Variants in RALGPS2 observed in about 807,000 individuals in gnomAD.
RALGPS2 encodes Ral GEF with PH domain and SH3 binding motif 2.
RALGPS2 carries 43 observed loss-of-function variants against 86.8 expected under a neutral mutation model. That is an observed-to-expected ratio of 0.50 (90% CI 0.39 to 0.64). The LOEUF is 0.64. Among genes scored for constraint, RALGPS2 ranks in the 30% least tolerant of loss-of-function variants. The probability of loss-of-function intolerance (pLI) is 0.00; values close to 1 mark genes in which losing one functional copy is unlikely to be tolerated. For missense variants in RALGPS2, 536 were observed against 694.6 expected (o/e 0.77, Z 2.57); for synonymous variants, 243 against 231.3 (o/e 1.05, Z -0.46).
At chr1:178,914,833 G>T (rs1009135770) in intron 19 of RALGPS2, among the ~76,000 whole-genome samples, 1 of 152,124 alleles carries the variant, frequency 6.6e-6, no homozygotes. Context: ...GCCTTGTCAG[G>T]TTAGTGTCTG....
intron 7 of RALGPS2, among the ~76,000 whole-genome samples, chr1:178,823,985 T>C (rs781269461): frequency 1.3e-5 from 2 of 152,042 alleles, no homozygotes; most frequent in Non-Finnish European, 2.9e-5. Flanking sequence ...GATTCCCAAG[T>C]AGAGATTGGA....
intron 1 of RALGPS2, among the ~76,000 whole-genome samples, chr1:178,732,333 C>G (rs1466655644): frequency 6.9e-6 from 1 of 144,630 alleles, no homozygotes; most frequent in Admixed American, 6.9e-5. Context: ...GAGTCTCACT[C>G]TGTCGCCTAG....
At chr1:178,850,508 T>C (rs1657103411) in intron 8 of RALGPS2, 1 of 152,068 alleles carries the variant, frequency 6.6e-6, no homozygotes, top group Admixed American at 6.6e-5. Flanking sequence ...TTTTTGGGTT[T>C]TTTTTTATTT....
At chr1:178,830,956 A>G (rs1297340629) in intron 7 of RALGPS2, among the ~76,000 whole-genome samples, 1 of 152,236 alleles carries the variant, frequency 6.6e-6, no homozygotes, top group Non-Finnish European at 1.5e-5. Flanking sequence ...AGGAGAGGAT[A>G]CACATAGAAG....
chr1:178,797,121 T>A (rs1054780776), intron 4 of RALGPS2, among the ~76,000 whole-genome samples: 4 of 152,196 alleles, frequency 2.6e-5, no homozygotes, highest in Non-Finnish European at 5.9e-5. Flanking sequence ...TTTGAGTTGT[T>A]GAGTTTACTT....
chr1:178,754,831 A>T (rs779329259), intron 1 of RALGPS2, among the ~76,000 whole-genome samples: 57 of 152,308 alleles, frequency 3.7e-4, no homozygotes, highest in Non-Finnish European at 7.1e-4. Context: ...ACGAAGTCTC[A>T]CTCTGTTGCC....
chr1:178,743,825 A>G (rs1409405533), intron 1 of RALGPS2, among the ~76,000 whole-genome samples: 4 of 152,218 alleles, frequency 2.6e-5, no homozygotes, highest in African/African-American at 9.6e-5. Context: ...ATAACCCTGT[A>G]TCTGTTAAAG....
chr1:178,880,894 G>T (rs1178046386), intron 10 of RALGPS2, among the ~76,000 whole-genome samples: 1 of 152,154 alleles, frequency 6.6e-6, no homozygotes, highest in East Asian at 1.9e-4. Context: ...CCATGAGGTA[G>T]TTCTGACATT....
intron 4 of RALGPS2, among the ~76,000 whole-genome samples, chr1:178,791,374 C>T (rs1262177893): frequency 6.6e-6 from 1 of 151,806 alleles, no homozygotes; most frequent in Non-Finnish European, 1.5e-5. Flanking sequence ...AGCGATCCCC[C>T]GGCCTCGGCT....
chr1:178,885,783 AATTATATAG>A (rs1346269759), intron 12 of RALGPS2, among the ~76,000 whole-genome samples, 177 bp from the exon 13 acceptor site: 1 of 152,192 alleles, frequency 6.6e-6, no homozygotes, highest in Non-Finnish European at 1.5e-5. Context: ...AGTATGCTCT[AATTATATAG>A]ATAGATAGGG....
chr1:178,809,912 T>G (rs1654895818), intron 5 of RALGPS2, among the ~76,000 whole-genome samples: 1 of 152,010 alleles, frequency 6.6e-6, no homozygotes, highest in African/African-American at 2.4e-5. Flanking sequence ...CGTCCTAACT[T>G]TTGATAGAGA....
chr1:178,823,287 G>C (rs933526256), intron 7 of RALGPS2, among the ~76,000 whole-genome samples: 2 of 152,050 alleles, frequency 1.3e-5, no homozygotes, highest in East Asian at 1.9e-4. Flanking sequence ...AACTTTTGAT[G>C]GTTTGTATTT....
chr1:178,885,858 A>T (rs896846128), intron 12 of RALGPS2, 111 bp from the exon 13 acceptor site: 7 of 953,328 alleles, frequency 7.3e-6, no homozygotes, highest in Non-Finnish European at 1.1e-5. Context: ...TTATGGTAAG[A>T]TCTGAGTATG....
intron 4 of RALGPS2, among the ~76,000 whole-genome samples, chr1:178,805,023 G>A (rs1228810665): frequency 1.4e-4 from 21 of 150,664 alleles, no homozygotes; most frequent in Non-Finnish European, 2.7e-4. Flanking sequence ...TTTCTCTGAT[G>A]GCCAGTGGTG....
intron 6 of RALGPS2, among the ~76,000 whole-genome samples, chr1:178,817,345 TAAAAAAAA>T (rs142692953): frequency 1.0e-5 from 1 of 98,054 alleles, no homozygotes; most frequent in Middle Eastern, 5.1e-3. Context: ...TGTCTCAATT[TAAAAAAAA>T]AAAAAAAAAA....
intron 6 of RALGPS2, among the ~76,000 whole-genome samples, chr1:178,812,412 G>A (rs777007964): frequency 1.3e-5 from 2 of 152,074 alleles, no homozygotes; most frequent in East Asian, 1.9e-4. Context: ...AGTTGGGGTC[G>A]CCTATGGTTG....
At chr1:178,874,572 A>AT (rs1226193602) in intron 8 of RALGPS2, among the ~76,000 whole-genome samples, 3 of 152,160 alleles carry the variant, frequency 2.0e-5, no homozygotes, top group South Asian at 2.1e-4. Context: ...AAGGAATGAC[A>AT]TTTTTTTGCA....
chr1:178,852,193 A>T (rs544625733), intron 8 of RALGPS2, among the ~76,000 whole-genome samples: 11 of 152,136 alleles, frequency 7.2e-5, no homozygotes, highest in Non-Finnish European at 1.5e-4. Flanking sequence ...GCGAACCCAT[A>T]TAAAATAGCT....
At chr1:178,775,464 A>G (rs540500074) in intron 1 of RALGPS2, among the ~76,000 whole-genome samples, 1 of 152,298 alleles carries the variant, frequency 6.6e-6, no homozygotes, top group East Asian at 1.9e-4. Flanking sequence ...AGATCTTTAA[A>G]GTTGAAAAGG....
Sources: gnomAD v4.1 joint callset for allele counts (sites outside exome capture counted in the v4.1 genomes callset) on GRCh38, gnomAD v4.1.1 for gene constraint, MANE v1.5 for transcripts, NCBI Gene and HGNC (gene_info 2026-07-23, HGNC 2026-07-21) for gene names.